CYB5R3: variants seen among roughly 807,000 people sequenced by gnomAD.
CYB5R3 encodes the protein NADH-cytochrome b5 reductase 3.
A neutral mutation model predicts 36.5 loss-of-function variants in CYB5R3; 28 were observed. The ratio of observed to expected loss-of-function variants is 0.77; its 90% CI spans 0.57 to 1.05. The LOEUF is 1.05. CYB5R3 is among the 50% of genes least tolerant of loss of function. The pLI is 0.00. For missense variants in CYB5R3, 474 were observed against 408.9 expected (o/e 1.16, Z -1.37); for synonymous variants, 181 against 159.8 (o/e 1.13, Z -1.00).
intron 3 of CYB5R3, 36 bp from the exon 4 acceptor site, chr22:42,631,024 T>A (rs1283538918): frequency 6.3e-7 from 1 of 1,582,282 alleles, no homozygotes; most frequent in Non-Finnish European, 8.7e-7. Flanking sequence ...GGGCCAGAGA[T>A]CATCCTGCGG....
intron 8 of CYB5R3, among the ~76,000 whole-genome samples, chr22:42,621,887 A>G (rs1927992497): frequency 6.6e-6 from 1 of 152,268 alleles, no homozygotes; most frequent in African/African-American, 2.4e-5. Flanking sequence ...AAAGCAGCCT[A>G]TCACTTCCTC....
chr22:42,644,653 G>A (rs1929454266), intron 1 of CYB5R3: 13 of 1,422,884 alleles, frequency 9.1e-6, no homozygotes, highest in East Asian at 2.5e-5. Context: ...CTCTGCTATC[G>A]ACCTCTCCCT....
rs1037936971 is a variant in CYB5R3 at position 42,649,373 on chromosome 22, G to T, written c.-58C>A. The T allele has an allele frequency of 1.1e-5, 7 of 626,498 alleles. No individual in the cohort carries two copies. Among genetic ancestry groups the T allele is most frequent in the South Asian group, 5.8e-5 (1 of 17,230 alleles). The allele number at this position is 626,498 out of a possible 1,614,324, so 38.8% of individuals were successfully genotyped here. On this transcript the variant is annotated 5_prime_UTR_variant, in exon 1 of 9. Transcript: ENST00000352397. ...CCGCCGCCGCCGCCGAGACCGTCGC[G>T]CCCGGGCCCGCGTCACTCCGGAGCA... is the stretch of plus-strand genomic sequence containing the variant.
At position 42,631,510 on chromosome 22, in the gene CYB5R3, C is replaced by G. The variant is rs536598470; in HGVS notation, c.154-60G>C. 619 of 1,470,652 alleles carry G rather than the reference C, an allele frequency of 4.2e-4. 14 individuals are homozygous for G. Among genetic ancestry groups the G allele is most frequent in the South Asian group, 2.7e-3 (219 of 82,356 alleles). The allele number at this position is 1,470,652 out of a possible 1,614,324, so 91.1% of individuals were successfully genotyped here. On this transcript the variant is annotated intron_variant, in intron 2 of 8. Coordinates refer to ENST00000352397, the MANE Select transcript of CYB5R3 (RefSeq NM_000398.7). The stretch of plus-strand genomic sequence containing the variant: ...AGGGCAGAGGCCTCCCAGGGCGGCT[C>G]CCAGGCCTCGGAGCCCCCATCCCAT...
rs1339262691 is a variant in CYB5R3, at chr22:42,634,990, G to A, written c.153+1725C>T. ...CAGCTAATTTTTTTTTTTTTTTTTT[G>A]AGACGGAGTCTTGCTGTCACCCAGG... is the stretch of plus-strand genomic sequence containing the variant. On this transcript the variant is annotated intron_variant, in intron 2 of 8. Transcript: ENST00000352397. Among the ~76,000 whole-genome samples, 5 of 114,064 alleles carry A rather than the reference G, an allele frequency of 4.4e-5. No homozygotes were observed. The South Asian group carries it at 1.1e-3, about 26-fold the overall frequency. 74.8% of individuals were successfully genotyped at this position (114,064 alleles called of 152,430 possible). A position where few individuals can be genotyped will look rare whatever the true frequency, so the allele number is the denominator to read the frequency against.
intron 1 of CYB5R3, chr22:42,640,028 C>T (rs1172714740): frequency 1.2e-6 from 2 of 1,613,508 alleles, no homozygotes; most frequent in Non-Finnish European, 8.5e-7. Context: ...CACGTCGACA[C>T]CTCAGTGGCC....
In CYB5R3 at chr22:42,649,305, TG is replaced by T; in HGVS notation, c.10del (p.Gln4SerfsTer21). On this transcript the variant is annotated frameshift_variant, in exon 1 of 9. Coordinates refer to ENST00000352397, the MANE Select transcript of CYB5R3 (RefSeq NM_000398.7). LOFTEE classifies it high-confidence loss of function. The part of the protein sequence containing the change: MGA[Q>X]LSTLGHMVLF... ...CCCCTCCCCGCCTACCGTGCTGAGC[TG>T]GGCCCCCATGGTGGCCCCGCGCCGC... 1 of 1,020,258 alleles carries T rather than the reference TG, an allele frequency of 9.8e-7. No individual in the cohort carries two copies. The highest frequency in any genetic ancestry group is 1.2e-6 in the Non-Finnish European group (1 of 848,480). The allele number at this position is 1,020,258 out of a possible 1,614,324, so 63.2% of individuals were successfully genotyped here.
chr22:42,623,337 TA>T (rs1458869168), intron 8 of CYB5R3, among the ~76,000 whole-genome samples: 42 of 152,102 alleles, frequency 2.8e-4, no homozygotes, highest in African/African-American at 9.6e-4. Flanking sequence ...GGAACAAGGG[TA>T]ACCCCAACGT....
chr22:42,630,665 C>A (rs1928559067), intron 4 of CYB5R3, among the ~76,000 whole-genome samples: 1 of 152,200 alleles, frequency 6.6e-6, no homozygotes, highest in South Asian at 2.1e-4. Context: ...CAAGGGAGCA[C>A]TGGGTCTTTG....
At chr22:42,636,159 G>A (rs1928878005) in intron 2 of CYB5R3, among the ~76,000 whole-genome samples, 1 of 152,176 alleles carries the variant, frequency 6.6e-6, no homozygotes, top group Non-Finnish European at 1.5e-5. Context: ...AGAGGTTGCA[G>A]TGAGCGGAGA....
In CYB5R3 at chr22:42,619,374, C is replaced by T; in HGVS notation, c.*399G>A. On this transcript the variant is annotated 3_prime_UTR_variant, in exon 9 of 9. Transcript: ENST00000352397. ...GGCGAGGCTGGGGTGGGCCCTGGCA[C>T]CTGCAGCTTTGGGCTGCCCATGTGT... 1 of 212,194 alleles carries T rather than the reference C, an allele frequency of 4.7e-6. No homozygotes were observed. The highest frequency in any genetic ancestry group is 9.6e-6 in the Non-Finnish European group (1 of 103,670). 13.1% of individuals were successfully genotyped at this position (212,194 alleles called of 1,614,324 possible). A position where few individuals can be genotyped will look rare whatever the true frequency, so the allele number is the denominator to read the frequency against.
At chr22:42,644,491 C>A in intron 1 of CYB5R3, 1 of 1,165,246 alleles carries the variant, frequency 8.6e-7, no homozygotes, top group South Asian at 1.3e-5. Context: ...ATGCATCCAA[C>A]CAGCAAACTC....
chr22:42,619,590 T>C lies in CYB5R3; in HGVS notation c.*183A>G, dbSNP rs2146858972. 1 of 623,298 alleles carries C rather than the reference T, an allele frequency of 1.6e-6. No individual in the cohort carries two copies. The highest frequency in any genetic ancestry group is 2.8e-6 in the Non-Finnish European group (1 of 355,872). The allele number at this position is 623,298 out of a possible 1,614,324, so 38.6% of individuals were successfully genotyped here. A position where few individuals can be genotyped will look rare whatever the true frequency, so the allele number is the denominator to read the frequency against. On this transcript the variant is annotated 3_prime_UTR_variant, in exon 9 of 9. Coordinates refer to ENST00000352397, the MANE Select transcript of CYB5R3 (RefSeq NM_000398.7). ...ACTCTGAAGGCTCAGCCGTGGCCCA[T>C]CTGGGACACAGCCCTGCTCCCGAAG...
At chr22:42,634,491 G>A (rs1928778984) in intron 2 of CYB5R3, among the ~76,000 whole-genome samples, 1 of 152,022 alleles carries the variant, frequency 6.6e-6, no homozygotes, top group South Asian at 2.1e-4. Context: ...TTGTCACCCA[G>A]GCTGGAGTGC....
chr22:42,642,817 G>A (rs1035633712), intron 1 of CYB5R3, among the ~76,000 whole-genome samples: 7 of 152,222 alleles, frequency 4.6e-5, no homozygotes, highest in South Asian at 4.1e-4. Context: ...AGAAGCCAAA[G>A]TTCATATAAA....
At chr22:42,631,484 C>T (rs760936016) in intron 2 of CYB5R3, 34 bp from the exon 3 acceptor site, 2 of 1,547,798 alleles carry the variant, frequency 1.3e-6, no homozygotes, top group African/African-American at 1.4e-5. Context: ...GAACGGTCCC[C>T]AGGGCAGAGG....
Position 42,649,283 on chromosome 22 carries a change from C to G in CYB5R3, c.21+12G>C. The stretch of plus-strand genomic sequence containing the variant: ...CGACGCCCCGCGGCCCCGGCGCCCC[C>G]TCCCCGCCTACCGTGCTGAGCTGGG... On this transcript the variant is annotated intron_variant, in intron 1 of 8. Coordinates refer to ENST00000352397, the MANE Select transcript of CYB5R3 (RefSeq NM_000398.7). 5.9e-6 allele frequency: 6 copies of G among 1,015,032 alleles called. No individual in the cohort carries two copies. The highest frequency in any genetic ancestry group is 5.9e-6 in the Non-Finnish European group (5 of 844,910). The allele number at this position is 1,015,032 out of a possible 1,614,324, so 62.9% of individuals were successfully genotyped here.
chr22:42,622,760 C>CA (rs1440571930), intron 8 of CYB5R3, among the ~76,000 whole-genome samples: 2 of 152,218 alleles, frequency 1.3e-5, no homozygotes, highest in Non-Finnish European at 2.9e-5. Flanking sequence ...CATGGATCAT[C>CA]AGCAGAGGGT....
At position 42,630,241 on chromosome 22, in the gene CYB5R3, C is replaced by A. The variant is rs1188115134; in HGVS notation, c.333+641G>T. On this transcript the variant is annotated intron_variant, in intron 4 of 8. Transcript: ENST00000352397. Reference sequence around the variant, plus strand: ...TCTCCTGTGAACCTCCACCTCGAACCCCGCAGCAGACCCCAGAAAGCCCAT... The same window carrying A: ...TCTCCTGTGAACCTCCACCTCGAACACCGCAGCAGACCCCAGAAAGCCCAT... Among the ~76,000 whole-genome samples, 7 of 152,200 alleles carry A rather than the reference C, an allele frequency of 4.6e-5. No individual in the cohort carries two copies. The East Asian group carries it at 9.6e-4, about 21-fold the overall frequency.
Sources: allele counts gnomAD v4.1 joint callset (sites outside exome capture counted in the v4.1 genomes callset), GRCh38; gene constraint gnomAD v4.1.1; transcripts MANE v1.5; gene names NCBI Gene and HGNC (gene_info 2026-07-23, HGNC 2026-07-21).